Variants in CNGA1 observed in about 807,000 individuals in gnomAD.
The protein encoded by CNGA1 is cyclic nucleotide-gated channel alpha-1.
CNGA1 carries 53 observed loss-of-function variants against 69.7 expected under a neutral mutation model. The ratio of observed to expected loss-of-function variants is 0.76; its 90% confidence interval spans 0.61 to 0.96. The LOEUF is 0.96. Among genes scored for constraint, CNGA1 ranks in the 40% least tolerant of loss-of-function variants. The pLI, the probability that CNGA1 is intolerant of heterozygous loss-of-function variation, is 0.00. For missense variants in CNGA1, 739 were observed against 811.2 expected, an observed-to-expected ratio of 0.91 and a Z score of 1.08; for synonymous variants, 249 against 283.5, an observed-to-expected ratio of 0.88 and a Z score of 1.22.
chr4:48,014,988 C>G (rs1004824522), intron 1 of CNGA1, among the ~76,000 whole-genome samples: 3 of 151,892 alleles, frequency 2.0e-5, no homozygotes, highest in Admixed American at 6.5e-5. Flanking sequence ...CTGGTTAACA[C>G]GGTGAAACCC....
At chr4:47,999,645 T>G (rs1578124065) in intron 2 of CNGA1, among the ~76,000 whole-genome samples, 1 of 152,082 alleles carries the variant, frequency 6.6e-6, no homozygotes, top group Non-Finnish European at 1.5e-5. Context: ...CCGAGGCAGG[T>G]GGATCACCTG....
At chr4:47,993,494 C>T (rs565381582) in intron 2 of CNGA1, among the ~76,000 whole-genome samples, 25 of 152,074 alleles carry the variant, frequency 1.6e-4, no homozygotes, top group African/African-American at 4.6e-4. Flanking sequence ...ATAGTAGCCT[C>T]GAATAATCTT....
chr4:47,963,883 T>C (rs1338204308), intron 3 of CNGA1, among the ~76,000 whole-genome samples: 2 of 152,198 alleles, frequency 1.3e-5, no homozygotes, highest in African/African-American at 4.8e-5. Flanking sequence ...CAATAATGAC[T>C]TAAATTTTAT....
intron 2 of CNGA1, among the ~76,000 whole-genome samples, chr4:47,993,539 A>G (rs1742365401): frequency 6.6e-6 from 1 of 151,670 alleles, no homozygotes; most frequent in South Asian, 2.1e-4. Context: ...AATATCTCTC[A>G]TTTCATTTCT....
At chr4:48,012,558 C>CTTTTTTTTTTTTTTTTTTTTTTTTTT (rs528643370) in intron 1 of CNGA1, among the ~76,000 whole-genome samples, 1 of 64,954 alleles carries the variant, frequency 1.5e-5, no homozygotes, top group African/African-American at 6.6e-5. Flanking sequence ...ACCACACCAT[C>CTTTTTTTTTTTTTTTTTTTTTTTTTT]TTTTTTTTTT....
chr4:47,955,179 T>C (rs1464250609), intron 3 of CNGA1, among the ~76,000 whole-genome samples: 8 of 5,092 alleles, frequency 1.6e-3, no homozygotes, highest in Middle Eastern at 0.038. Flanking sequence ...TTTTCTTTTT[T>C]TTTTTTTTTT....
At chr4:47,985,150 CAT>C (rs2110224620) in intron 2 of CNGA1, among the ~76,000 whole-genome samples, 1 of 152,198 alleles carries the variant, frequency 6.6e-6, no homozygotes, top group South Asian at 2.1e-4. Context: ...TTAAATGAGA[CAT>C]AGTAATATGA....
intron 2 of CNGA1, among the ~76,000 whole-genome samples, chr4:48,009,439 T>C (rs2109354663): frequency 7.4e-6 from 1 of 135,376 alleles, no homozygotes; most frequent in South Asian, 2.4e-4. Context: ...CACTCCAGCC[T>C]GGGCAACAGA....
At chr4:47,988,964 G>T (rs1742114218) in intron 2 of CNGA1, among the ~76,000 whole-genome samples, 1 of 149,946 alleles carries the variant, frequency 6.7e-6, no homozygotes. Flanking sequence ...TTAAGAAAAT[G>T]CTATTGTTCT....
intron 2 of CNGA1, among the ~76,000 whole-genome samples, chr4:48,008,467 T>C (rs1372665671): frequency 6.6e-6 from 1 of 152,188 alleles, no homozygotes; most frequent in Non-Finnish European, 1.5e-5. Flanking sequence ...AGAAAAAAAT[T>C]GTCCACCTTT....
At chr4:47,970,804 A>G in intron 3 of CNGA1, 1 of 450,100 alleles carries the variant, frequency 2.2e-6, no homozygotes, top group Non-Finnish European at 4.4e-6. Flanking sequence ...ACTATATAGT[A>G]TTTCATCTAT....
intron 2 of CNGA1, among the ~76,000 whole-genome samples, chr4:48,001,590 A>C (rs1714666660): frequency 1.3e-5 from 2 of 152,262 alleles, no homozygotes; most frequent in Admixed American, 1.3e-4. Context: ...TCTATTAATT[A>C]AGGAGACATA....
chr4:47,989,781 T>C (rs1421404019), intron 2 of CNGA1, among the ~76,000 whole-genome samples: 1 of 150,166 alleles, frequency 6.7e-6, no homozygotes, highest in African/African-American at 2.5e-5. Flanking sequence ...TTTGTAGTCT[T>C]TGCTCCCTCA....
chr4:48,013,538 G>A (rs1289162409), intron 1 of CNGA1, among the ~76,000 whole-genome samples: 2 of 152,236 alleles, frequency 1.3e-5, no homozygotes, highest in South Asian at 4.1e-4. Context: ...GTCATAGGTA[G>A]ATAAGAGACA....
intron 2 of CNGA1, among the ~76,000 whole-genome samples, chr4:47,986,213 GC>G (rs1370072059): frequency 6.6e-6 from 1 of 152,164 alleles, no homozygotes; most frequent in African/African-American, 2.4e-5. Flanking sequence ...TTCGAGACCA[GC>G]CTGGTCACTA....
intron 5 of CNGA1, among the ~76,000 whole-genome samples, chr4:47,950,640 C>A (rs73147925): frequency 0.013 from 1,952 of 151,640 alleles, 34 homozygotes; most frequent in African/African-American, 0.044. Context: ...TGGAGGTAGT[C>A]AATGGGAAGA....
At chr4:48,011,241 C>T (rs1288903553) in intron 1 of CNGA1, among the ~76,000 whole-genome samples, 4 of 150,522 alleles carry the variant, frequency 2.7e-5, no homozygotes, top group Admixed American at 6.6e-5. Flanking sequence ...TCCAGCTAGT[C>T]GTGTCTCTCA....
At chr4:47,990,085 A>G (rs993637419) in intron 2 of CNGA1, among the ~76,000 whole-genome samples, 2 of 152,124 alleles carry the variant, frequency 1.3e-5, no homozygotes, top group Non-Finnish European at 2.9e-5. Context: ...TATGTGTTTG[A>G]ACAATATGAA....
intron 10 of CNGA1, among the ~76,000 whole-genome samples, chr4:47,938,977 AAAAGAAAGAAAGAAAGAGAAAG>A (rs1738877172): frequency 2.0e-5 from 3 of 150,426 alleles, no homozygotes; most frequent in African/African-American, 7.4e-5. Context: ...AGAAAGAAAG[AAAAGAAAGAAAGAAAGAGAAAG>A]AAAGAAAGAA....
Sources: gnomAD v4.1 joint callset for allele counts (sites outside exome capture counted in the v4.1 genomes callset) on GRCh38, gnomAD v4.1.1 for gene constraint, MANE v1.5 for transcripts, NCBI Gene and HGNC (gene_info 2026-07-23, HGNC 2026-07-21) for gene names.